The following C11orf54 variants were observed in gnomAD, a reference collection of about 807,000 sequenced individuals.
C11orf54 encodes the protein beta-keto-L-gulonate decarboxylase, also known as beta-keto L-gulonate decarboxylase.
A neutral mutation model predicts 35.5 loss-of-function variants in C11orf54; 29 were observed. That is an observed-to-expected ratio of 0.82 (90% CI 0.61 to 1.11). The LOEUF is 1.11. Ranked by LOEUF, C11orf54 falls within the 50% of genes most tolerant of loss-of-function variation. C11orf54 has a pLI of 0.00. For missense variants in C11orf54, 373 were observed against 369.2 expected, an observed-to-expected ratio of 1.01 and a Z score of -0.08; for synonymous variants, 108 against 121.1, an observed-to-expected ratio of 0.89 and a Z score of 0.71.
In C11orf54 at chr11:93,761,838, G is replaced by T. The variant is rs1476636223; in HGVS notation, c.*150G>T. 1 of 677,930 alleles carries T rather than the reference G, an allele frequency of 1.5e-6. No homozygotes were observed. The highest frequency in any genetic ancestry group is 3.4e-5 in the East Asian group (1 of 29,146). 42.0% of individuals were successfully genotyped at this position (677,930 alleles called of 1,614,324 possible). On this transcript the variant is annotated 3_prime_UTR_variant, in exon 9 of 9. Transcript: ENST00000354421. ...TAATCCCAGCACTTTGGGAGGCTGAGGCAGGAAGCACACTGGAGCCCAGGA... is the reference window on the plus strand; with the variant it reads ...TAATCCCAGCACTTTGGGAGGCTGATGCAGGAAGCACACTGGAGCCCAGGA...
intron 3 of C11orf54, among the ~76,000 whole-genome samples, chr11:93,751,961 C>T (rs1942860310): frequency 1.3e-5 from 2 of 151,074 alleles, no homozygotes; most frequent in Non-Finnish European, 2.9e-5. Flanking sequence ...ATTCTCATAC[C>T]TCACCCTCCC....
At chr11:93,750,518 C>G in intron 3 of C11orf54, 74 bp downstream of exon 3, 2 of 1,158,506 alleles carry the variant, frequency 1.7e-6, no homozygotes, top group Non-Finnish European at 2.5e-6. Flanking sequence ...TTTTTAAGGA[C>G]ATCTTAAATT....
intron 7 of C11orf54, among the ~76,000 whole-genome samples, chr11:93,757,912 C>A (rs1158790332): frequency 1.3e-5 from 2 of 152,168 alleles, no homozygotes; most frequent in Non-Finnish European, 2.9e-5. Flanking sequence ...GATTGTATTA[C>A]TTTAAAATTT....
chr11:93,751,603 A>G (rs898137208), intron 3 of C11orf54, among the ~76,000 whole-genome samples: 2 of 151,376 alleles, frequency 1.3e-5, no homozygotes, highest in African/African-American at 4.8e-5. Context: ...ACAGGGTTTC[A>G]CCGTGTTAGC....
At chr11:93,753,900 G>A (rs200577543) in intron 4 of C11orf54, 36 bp from the exon 5 acceptor site, 5 of 1,593,078 alleles carry the variant, frequency 3.1e-6, no homozygotes, top group Non-Finnish European at 4.3e-6. Flanking sequence ...CTTTGTACAA[G>A]TTGTGACTTA....
intron 7 of C11orf54, among the ~76,000 whole-genome samples, chr11:93,758,154 T>C (rs1943251258): frequency 6.6e-6 from 1 of 152,192 alleles, no homozygotes; most frequent in African/African-American, 2.4e-5. Flanking sequence ...GCAGGCTCTC[T>C]GGAGCGGCTG....
intron 3 of C11orf54, among the ~76,000 whole-genome samples, chr11:93,753,283 T>G (rs139345894): frequency 0.011 from 1,626 of 152,272 alleles, 21 homozygotes; most frequent in Non-Finnish European, 0.017. Flanking sequence ...GAATTTACAT[T>G]GTACCAGAGC....
At chr11:93,746,919 C>T (rs1014788822) in intron 1 of C11orf54, 1 of 152,392 alleles carries the variant, frequency 6.6e-6, no homozygotes, top group African/African-American at 2.4e-5. Context: ...GTACCTTTTG[C>T]TTCAAGACCT....
intron 5 of C11orf54, 58 bp from the exon 6 acceptor site, chr11:93,755,152 C>A: frequency 6.6e-7 from 1 of 1,511,858 alleles, no homozygotes; most frequent in Non-Finnish European, 9.1e-7. Context: ...TAACATTATT[C>A]AAGATATTCT....
intron 6 of C11orf54, 73 bp from the exon 7 acceptor site, chr11:93,757,243 A>G (rs2135659214): frequency 6.8e-7 from 1 of 1,466,076 alleles, no homozygotes; most frequent in East Asian, 2.3e-5. Flanking sequence ...GATAGAATTA[A>G]ATTATATAAT....
In C11orf54 at chr11:93,753,706, C is replaced by T. The variant is rs758601498; in HGVS notation, c.179C>T (p.Ala60Val). 9.3e-6 allele frequency: 15 copies of T among 1,613,638 alleles called. No individual in the cohort carries two copies. Among genetic ancestry groups the T allele is most frequent in the African/African-American group, 6.7e-5 (5 of 74,872 alleles). ...VKGICGKTRIAEVGGVPYLLP... is the reference protein window; with the variant it reads ...VKGICGKTRIVEVGGVPYLLP... ...GGCATCTGTGGGAAAACTAGAATTGCAGAAGTTGGAGGTGTGCCTTACTTA... is the reference window on the plus strand; with the variant it reads ...GGCATCTGTGGGAAAACTAGAATTGTAGAAGTTGGAGGTGTGCCTTACTTA... The change falls in exon 4 of 9, where the codon GCA (alanine) becomes GTA (valine). Residue 60 changes from alanine to valine, a missense_variant. Physicochemically the swap from Ala to Val is moderately conservative, Grantham distance 64. Coordinates refer to ENST00000354421, the MANE Select transcript of C11orf54 (RefSeq NM_001286069.2).
chr11:93,747,554 T>TCTTACTTAG, intron 2 of C11orf54, 106 bp downstream of exon 2: 1 of 587,990 alleles, frequency 1.7e-6, no homozygotes. Context: ...TATATCTATA[T>TCTTACTTAG]CTTACTTATC....
chr11:93,762,053 ATTCT>A lies in C11orf54; in HGVS notation c.*368_*371del, dbSNP rs1943506202. On this transcript the variant is annotated 3_prime_UTR_variant, in exon 9 of 9. Coordinates refer to ENST00000354421, the MANE Select transcript of C11orf54 (RefSeq NM_001286069.2). ...GGGAACAAAAATATCTAATTGAGAT[ATTCT>A]TTAATTTTTTACATAGCAGCTTTAT... 1 of 154,128 alleles carries A rather than the reference ATTCT, an allele frequency of 6.5e-6. No individual in the cohort carries two copies. The highest frequency in any genetic ancestry group is 2.1e-4 in the South Asian group (1 of 4,864). 9.5% of individuals were successfully genotyped at this position (154,128 alleles called of 1,614,324 possible). A position where few individuals can be genotyped will look rare whatever the true frequency, so the allele number is the denominator to read the frequency against.
At position 93,764,016 on chromosome 11, in the gene C11orf54, TG is replaced by T. The variant is rs1943568754; in HGVS notation, c.*2330del. On this transcript the variant is annotated 3_prime_UTR_variant, in exon 9 of 9. Transcript: ENST00000354421. ...TGCTTGCTTTATTTTTTTAAAGAGATGGTGTCTCACTATGTTGCCCAGGCTG... is the reference window on the plus strand; with the variant it reads ...TGCTTGCTTTATTTTTTTAAAGAGATGTGTCTCACTATGTTGCCCAGGCTG... 1 of 152,170 alleles carries T rather than the reference TG, an allele frequency of 6.6e-6. No individual in the cohort carries two copies. Among genetic ancestry groups the T allele is most frequent in the Non-Finnish European group, 1.5e-5 (1 of 68,056 alleles). 9.4% of individuals were successfully genotyped at this position (152,170 alleles called of 1,614,324 possible).
intron 2 of C11orf54, among the ~76,000 whole-genome samples, chr11:93,747,766 C>G (rs1265489358): frequency 2.6e-5 from 4 of 152,110 alleles, no homozygotes; most frequent in Admixed American, 2.0e-4. Flanking sequence ...ATGTGTGATG[C>G]CCAAAGAGTC....
rs529633015 is a variant in C11orf54, at chr11:93,750,325, C to T, written c.56-21C>T. The T allele has an allele frequency of 5.1e-5, 81 of 1,602,066 alleles. No individual in the cohort carries two copies. In the East Asian group the frequency reaches 1.7e-3, roughly 33 times the overall value. On this transcript the variant is annotated intron_variant, in intron 2 of 8. Coordinates refer to ENST00000354421, the MANE Select transcript of C11orf54 (RefSeq NM_001286069.2). ...AAGTTTTTACCTAATGTTAAATAAT[C>T]TTATTCCTTGTCTTTATTAGTTATG...
intron 8 of C11orf54, among the ~76,000 whole-genome samples, 180 bp downstream of exon 8, chr11:93,760,038 C>G (rs898707260): frequency 3.9e-5 from 6 of 152,096 alleles, no homozygotes; most frequent in Non-Finnish European, 8.8e-5. Context: ...CCTCCGCCTC[C>G]TGGGTTCAAG....
intron 2 of C11orf54, among the ~76,000 whole-genome samples, chr11:93,748,835 CAAAA>C (rs35878883): frequency 2.9e-5 from 4 of 138,088 alleles, no homozygotes; most frequent in African/African-American, 1.1e-4. Context: ...GACTCAGTCT[CAAAA>C]AAAAAAAAAA....
intron 7 of C11orf54, among the ~76,000 whole-genome samples, chr11:93,758,848 G>A (rs549651968): frequency 3.9e-5 from 6 of 152,250 alleles, no homozygotes; most frequent in Admixed American, 2.0e-4. Context: ...GCGGGTTTCC[G>A]GTGAGGCCCC....
Sources: allele counts gnomAD v4.1 joint callset (sites outside exome capture counted in the v4.1 genomes callset), GRCh38; gene constraint gnomAD v4.1.1; transcripts MANE v1.5; gene names NCBI Gene and HGNC (gene_info 2026-07-23, HGNC 2026-07-21).